Variants in SLC26A3 observed in about 807,000 individuals in gnomAD.
SLC26A3 encodes chloride anion exchanger.
Under a neutral mutation model 85.6 loss-of-function variants are expected in SLC26A3, and 64 were observed. The ratio of observed to expected loss-of-function variants is 0.75; its 90% CI spans 0.61 to 0.92. SLC26A3 has a LOEUF of 0.92. SLC26A3 is among the 40% of genes least tolerant of loss of function. The pLI is 0.00. For missense variants in SLC26A3, 922 were observed against 927.3 expected (o/e 0.99, Z 0.07); for synonymous variants, 349 against 336.0 (o/e 1.04, Z -0.42).
In SLC26A3 at chr7:107,776,422, G is replaced by C. The variant is rs192212308; in HGVS notation, c.1677+30C>G. 37 of 1,541,660 alleles carry C rather than the reference G, an allele frequency of 2.4e-5. No individual in the cohort carries two copies. The Admixed American group carries it at 6.0e-4, about 25-fold the overall frequency. ...TTCCCAGAATTCAGTAAGATTACAAGGAAAAAAATTAAATAACCCCAAACC... is the reference window on the plus strand; with the variant it reads ...TTCCCAGAATTCAGTAAGATTACAACGAAAAAAATTAAATAACCCCAAACC... On this transcript the variant is annotated intron_variant, in intron 15 of 20. Transcript: ENST00000340010.
At chr7:107,798,113 G>A (rs923006642) in intron 1 of SLC26A3, among the ~76,000 whole-genome samples, 1 of 151,582 alleles carries the variant, frequency 6.6e-6, no homozygotes, top group African/African-American at 2.4e-5. Flanking sequence ...TCCCTACGAC[G>A]TGCTTTTTAT....
intron 5 of SLC26A3, 43 bp from the exon 6 acceptor site, chr7:107,789,731 A>C (rs753536997): frequency 1.9e-6 from 3 of 1,586,114 alleles, no homozygotes; most frequent in Non-Finnish European, 2.6e-6. Context: ...GATTAGGAGT[A>C]TACCTCAGCA....
At chr7:107,784,246 T>C (rs1794255988) in intron 8 of SLC26A3, among the ~76,000 whole-genome samples, 1 of 152,212 alleles carries the variant, frequency 6.6e-6, no homozygotes, top group South Asian at 2.1e-4. Flanking sequence ...CTGATGCCAT[T>C]ATAAATCCAA....
At position 107,789,487 on chromosome 7, in the gene SLC26A3, T is replaced by A. The variant is rs144888198; in HGVS notation, c.735+37A>T. ...TCTAAAAACACAGTAGTGAGTTTCA[T>A]GTATTTCAGTATTTTTTAGGTGAAA... On this transcript the variant is annotated intron_variant, in intron 6 of 20. Transcript: ENST00000340010. 6.0e-3 allele frequency: 9,469 copies of A among 1,589,988 alleles called. 883 individuals carry two copies. In the Admixed American group the frequency reaches 0.15, roughly 25 times the overall value.
At chr7:107,766,281 G>T (rs548448932) in intron 20 of SLC26A3, among the ~76,000 whole-genome samples, 1 of 152,230 alleles carries the variant, frequency 6.6e-6, no homozygotes, top group East Asian at 1.9e-4. Context: ...TTCCACCACT[G>T]TGCTAGCTAG....
At chr7:107,776,033 G>A in intron 15 of SLC26A3, 1 of 264,716 alleles carries the variant, frequency 3.8e-6, no homozygotes, top group Non-Finnish European at 7.3e-6. Flanking sequence ...AGTATGTATT[G>A]TTATTCAGTA....
rs769888729 is a variant in SLC26A3, at chr7:107,794,429, C to A, written c.81G>T (p.Lys27Asn). 4 of 1,613,890 alleles carry A rather than the reference C, an allele frequency of 2.5e-6. No individual in the cohort carries two copies. In the East Asian group the frequency reaches 6.7e-5, roughly 27 times the overall value. The change falls in exon 2 of 21, where the codon AAG (lysine) becomes AAT (asparagine). Residue 27 changes from lysine (K) to asparagine (N), a missense_variant. Physicochemically the swap from Lys to Asn is moderately conservative, Grantham distance 94 (BLOSUM62 0). Transcript: ENST00000340010. ...STNAFEENHK[K>N]TGRHHKTFLD... is the part of the protein sequence containing the mutation. ...GAAATGTCTTATGATGTCTTCCTGT[C>A]TTTTTATGATTTTCCTCAAAAGCAT...
At position 107,778,360 on chromosome 7, in the gene SLC26A3, CTTTTTTT is replaced by C. The variant is rs10681903; in HGVS notation, c.1408-86_1408-80del. On this transcript the variant is annotated intron_variant, in intron 12 of 20. Coordinates refer to ENST00000340010, the MANE Select transcript of SLC26A3 (RefSeq NM_000111.3). ...GTCGAGACGGGGTCTTTTAAAAAGA[CTTTTTTT>C]TTTTTTTTTTGTAGCGACAGTGAGA... 3.4e-3 allele frequency: 1,599 copies of C among 464,912 alleles called. 36 individuals are homozygous for C. The highest frequency in any genetic ancestry group is 5.0e-3 in the Non-Finnish European group (1,373 of 272,156). The allele number at this position is 464,912 out of a possible 1,614,324, so 28.8% of individuals were successfully genotyped here.
rs1419849136 is a variant in SLC26A3 at position 107,782,842 on chromosome 7, C to G, written c.1266G>C (p.Leu422=). ...GAAATCCAATGGCTAGAACGACAATCAGCACGATGATGGCACCAATAAGCC... is the reference window on the plus strand; with the variant it reads ...GAAATCCAATGGCTAGAACGACAATGAGCACGATGATGGCACCAATAAGCC... ...IAGLIGAIIV[L]IVVLAIGFLL... is the part of the protein sequence containing the mutation. Residue 422 remains leucine, a synonymous_variant, in exon 11 of 21, where the codon CTG becomes CTC. Coordinates refer to ENST00000340010, the MANE Select transcript of SLC26A3 (RefSeq NM_000111.3). 1 of 1,614,126 alleles carries G rather than the reference C, an allele frequency of 6.2e-7. No individual in the cohort carries two copies. Among genetic ancestry groups the G allele is most frequent in the African/African-American group, 1.3e-5 (1 of 75,020 alleles).
chr7:107,779,888 C>T (rs1174320162), intron 11 of SLC26A3, 125 bp from the exon 12 acceptor site: 6 of 794,034 alleles, frequency 7.6e-6, no homozygotes, highest in Non-Finnish European at 1.3e-5. Flanking sequence ...GCATTACACC[C>T]TTTTCCGGTG....
chr7:107,798,525 C>A (rs1794548399), intron 1 of SLC26A3, among the ~76,000 whole-genome samples: 1 of 152,130 alleles, frequency 6.6e-6, no homozygotes, highest in African/African-American at 2.4e-5. Context: ...CAGAGGTCTG[C>A]CCTTTTTGCT....
At position 107,791,104 on chromosome 7, in the gene SLC26A3, C is replaced by T. The variant is rs71566741; in HGVS notation, c.514G>A (p.Glu172Lys). 32 of 1,614,076 alleles carry T rather than the reference C, an allele frequency of 2.0e-5. No homozygotes were observed. The South Asian group carries it at 2.6e-4, about 13-fold the overall frequency. The change falls in exon 5 of 21, where the codon GAG becomes AAG. Residue 172 changes from glutamate (E) to lysine (K), a missense_variant. By Grantham distance (56) the Glu-to-Lys change is moderately conservative. Transcript: ENST00000340010. ...GCCGCCGCCGCCACCCTCACCCTCT[C>T]GTCATCCAGTAGTGAAGAATTATTC... Reference protein sequence around the residue: ...NSNNSSLLDDERVRVAAAASV... With the variant: ...NSNNSSLLDDKRVRVAAAASV...
chr7:107,795,314 T>C (rs946443597), intron 1 of SLC26A3, among the ~76,000 whole-genome samples: 10 of 152,226 alleles, frequency 6.6e-5, no homozygotes, highest in African/African-American at 2.2e-4. Flanking sequence ...CTGGTTTACA[T>C]CCAACACACT....
intron 17 of SLC26A3, 102 bp from the exon 18 acceptor site, chr7:107,772,210 T>C (rs1027343414): frequency 5.5e-6 from 4 of 727,446 alleles, no homozygotes; most frequent in African/African-American, 3.5e-5. Context: ...ATATTCCTTT[T>C]AGAAGCTTTA....
At chr7:107,771,232 G>A (rs968838904) in intron 18 of SLC26A3, among the ~76,000 whole-genome samples, 1 of 152,138 alleles carries the variant, frequency 6.6e-6, no homozygotes, top group Non-Finnish European at 1.5e-5. Context: ...TAGGAAAGAA[G>A]TATTTTTGGG....
chr7:107,773,430 C>T (rs1794058085), intron 17 of SLC26A3, among the ~76,000 whole-genome samples: 1 of 152,186 alleles, frequency 6.6e-6, no homozygotes, highest in Admixed American at 6.5e-5. Flanking sequence ...TACCCAGTCT[C>T]ATGGAAAAAT....
chr7:107,774,718 G>T, intron 16 of SLC26A3, 59 bp downstream of exon 16: 1 of 1,228,710 alleles, frequency 8.1e-7, no homozygotes, highest in South Asian at 1.2e-5. Flanking sequence ...ACTACACCTT[G>T]AATCATCCTT....
chr7:107,776,393 G>T, intron 15 of SLC26A3, 59 bp downstream of exon 15: 1 of 1,323,972 alleles, frequency 7.6e-7, no homozygotes, highest in South Asian at 1.2e-5. Flanking sequence ...ACAGAACAAT[G>T]ACATTCCCAG....
chr7:107,773,619 C>T (rs1053457118), intron 17 of SLC26A3, among the ~76,000 whole-genome samples: 3 of 152,152 alleles, frequency 2.0e-5, no homozygotes, highest in Non-Finnish European at 2.9e-5. Flanking sequence ...GGTGCAATTT[C>T]GGCTCACTGC....
Sources: allele counts gnomAD v4.1 joint callset (sites outside exome capture counted in the v4.1 genomes callset), GRCh38; gene constraint gnomAD v4.1.1; transcripts MANE v1.5; gene names NCBI Gene and HGNC (gene_info 2026-07-23, HGNC 2026-07-21).